Variants in SHISA9 observed in about 807,000 individuals in gnomAD.
SHISA9 encodes protein shisa-9.
SHISA9 carries 13 observed loss-of-function variants against 38.0 expected under a neutral mutation model. The observed-to-expected ratio is 0.34, with a 90% CI of 0.22 to 0.54. The LOEUF is 0.54. SHISA9 is among the 20% of genes least tolerant of loss of function. The probability of loss-of-function intolerance (pLI) is 0.91; values close to 1 mark genes in which losing one functional copy is unlikely to be tolerated. For synonymous variants in SHISA9, 275 were observed against 242.0 expected (o/e 1.14, Z -1.27); for missense variants, 538 against 575.8 (o/e 0.93, Z 0.67).
chr16:13,208,165 T>C (rs1418475633), intron 3 of SHISA9, among the ~76,000 whole-genome samples: 1 of 152,182 alleles, frequency 6.6e-6, no homozygotes, highest in Admixed American at 6.5e-5. Context: ...AACTGAACTA[T>C]AAGATGTCCA....
chr16:13,284,196 C>T, the SHISA9 span, among the ~76,000 whole-genome samples: 2 of 152,160 alleles, frequency 1.3e-5, no homozygotes, highest in African/African-American at 4.8e-5. Flanking sequence ...GAAATTTTCC[C>T]CAAGTATAGA....
rs1327944483 is a variant in SHISA9, at chr16:13,238,854, CTTTAAG to C, written c.*3449_*3454del. 1 of 101,656 alleles carries C rather than the reference CTTTAAG, an allele frequency of 9.8e-6. No individual in the cohort carries two copies. The highest frequency in any genetic ancestry group is 3.3e-5 in the African/African-American group (1 of 29,856). The allele number at this position is 101,656 out of a possible 1,614,324, so 6.3% of individuals were successfully genotyped here. A position where few individuals can be genotyped will look rare whatever the true frequency, so the allele number is the denominator to read the frequency against. ...TATTATTATTATTATTATTATTATA[CTTTAAG>C]TTTTAGGGTACATGTGCACAATGTG... On this transcript the variant is annotated 3_prime_UTR_variant, in exon 5 of 5. Coordinates refer to ENST00000558583, the MANE Select transcript of SHISA9 (RefSeq NM_001145204.3).
At chr16:13,030,572 C>A (rs2072979099) in intron 2 of SHISA9, among the ~76,000 whole-genome samples, 1 of 152,156 alleles carries the variant, frequency 6.6e-6, no homozygotes, top group Admixed American at 6.6e-5. Context: ...TCAGAGCCTG[C>A]TTCTTAGGGA....
intron 2 of SHISA9, among the ~76,000 whole-genome samples, chr16:13,049,764 C>T (rs1280145034): frequency 6.6e-6 from 1 of 152,100 alleles, no homozygotes; most frequent in East Asian, 1.9e-4. Flanking sequence ...CCTGACATCA[C>T]CCTCCTGCCT....
chr16:13,414,646 C>CTTTTTTTTTTTTTTTTTTTTTTTTTTT, the SHISA9 span, among the ~76,000 whole-genome samples: 1 of 136,612 alleles, frequency 7.3e-6, no homozygotes, highest in Non-Finnish European at 1.5e-5. Flanking sequence ...TTCTTTCTTT[C>CTTTTTTTTTTTTTTTTTTTTTTTTTTT]TTTCTTTTTT....
chr16:13,068,890 T>C (rs114957766), intron 2 of SHISA9, among the ~76,000 whole-genome samples: 1 of 151,260 alleles, frequency 6.6e-6, no homozygotes, highest in African/African-American at 2.5e-5. Flanking sequence ...TTCATGTGTG[T>C]ACATGGAATG....
At chr16:13,003,228 A>C (rs2072548285) in intron 2 of SHISA9, among the ~76,000 whole-genome samples, 1 of 152,186 alleles carries the variant, frequency 6.6e-6, no homozygotes, top group Admixed American at 6.5e-5. Context: ...CATGGGAATG[A>C]CTTGGGACTT....
the SHISA9 span, among the ~76,000 whole-genome samples, chr16:13,406,937 G>A: frequency 2.1e-4 from 32 of 151,886 alleles, 1 homozygote; most frequent in East Asian, 4.5e-3. Flanking sequence ...GTGTGGTGGC[G>A]CGTGTCTGTA....
chr16:13,204,953 G>T (rs1031730410), intron 3 of SHISA9: 2 of 152,194 alleles, frequency 1.3e-5, no homozygotes, highest in African/African-American at 4.8e-5. Flanking sequence ...GACAGTGACT[G>T]AGGCTCCTGA....
chr16:13,503,198 A>C, the SHISA9 span, among the ~76,000 whole-genome samples: 1 of 152,208 alleles, frequency 6.6e-6, no homozygotes, highest in East Asian at 1.9e-4. Context: ...AGAATCTCTA[A>C]GGAGCCTAGT....
chr16:13,501,994 T>C, the SHISA9 span, among the ~76,000 whole-genome samples: 25 of 134,930 alleles, frequency 1.9e-4, 1 homozygote, highest in South Asian at 5.8e-3. Context: ...AAAGCGAAAC[T>C]CCGTATCAAA....
At chr16:13,438,849 TG>T in the SHISA9 span, among the ~76,000 whole-genome samples, 12 of 152,232 alleles carry the variant, frequency 7.9e-5, no homozygotes, top group South Asian at 2.1e-4. Flanking sequence ...ACTTAATTAC[TG>T]TCTTTATTCC....
chr16:13,209,036 G>A (rs2051093988), intron 3 of SHISA9, among the ~76,000 whole-genome samples: 1 of 152,184 alleles, frequency 6.6e-6, no homozygotes, highest in African/African-American at 2.4e-5. Context: ...CAAGTAATTG[G>A]AGAAATTATT....
At chr16:12,928,480 A>G (rs2071422274) in intron 2 of SHISA9, among the ~76,000 whole-genome samples, 2 of 152,232 alleles carry the variant, frequency 1.3e-5, no homozygotes, top group South Asian at 2.1e-4. Context: ...TGTTTTAAAA[A>G]TAGTCATTGA....
intron 2 of SHISA9, among the ~76,000 whole-genome samples, chr16:13,151,574 CAGTT>C (rs1954804447): frequency 6.6e-6 from 1 of 152,194 alleles, no homozygotes; most frequent in South Asian, 2.1e-4. Context: ...CAAATCCCCT[CAGTT>C]AGTAACTATC....
At chr16:13,113,322 C>T (rs892903531) in intron 2 of SHISA9, among the ~76,000 whole-genome samples, 1 of 152,068 alleles carries the variant, frequency 6.6e-6, no homozygotes, top group African/African-American at 2.4e-5. Context: ...TAATGGCTCC[C>T]TCAAGGGGCC....
intron 3 of SHISA9, among the ~76,000 whole-genome samples, chr16:13,212,048 G>A (rs921891902): frequency 6.6e-6 from 1 of 152,186 alleles, no homozygotes; most frequent in Admixed American, 6.5e-5. Flanking sequence ...GATCCACGGG[G>A]GGGATGTGGC....
chr16:13,313,261 A>AAAAAAAAC, the SHISA9 span, among the ~76,000 whole-genome samples: 181 of 143,110 alleles, frequency 1.3e-3, no homozygotes, highest in African/African-American at 3.6e-3. Flanking sequence ...TCTCAAAAAA[A>AAAAAAAAC]AAAAAAAAAA....
chr16:13,493,657 A>G, the SHISA9 span, among the ~76,000 whole-genome samples: 1 of 151,788 alleles, frequency 6.6e-6, no homozygotes, highest in African/African-American at 2.4e-5. Flanking sequence ...TGCAACAGAA[A>G]GAGAAAACAG....
Sources: allele counts gnomAD v4.1 joint callset (sites outside exome capture counted in the v4.1 genomes callset), GRCh38; gene constraint gnomAD v4.1.1; transcripts MANE v1.5; gene names NCBI Gene and HGNC (gene_info 2026-07-23, HGNC 2026-07-21).